The following LYPLAL1 variants were observed in gnomAD, a reference collection of about 807,000 sequenced individuals.
LYPLAL1 encodes lysophospholipase like 1.
In LYPLAL1, 23 loss-of-function variants were observed where a neutral mutation model predicts 19.7. The observed-to-expected ratio is 1.17, with a 90% CI of 0.84 to 1.65. LYPLAL1 has a LOEUF of 1.65. Ranked by LOEUF, LYPLAL1 falls within the 40% of genes most tolerant of loss-of-function variation. The pLI is 0.00. For synonymous variants in LYPLAL1, 119 were observed against 96.3 expected (o/e 1.24, Z -1.38); for missense variants, 355 against 279.4 (o/e 1.27, Z -1.93).
chr1:219,294,271 C>T, the LYPLAL1 span, among the ~76,000 whole-genome samples: 62 of 152,198 alleles, frequency 4.1e-4, no homozygotes, highest in Non-Finnish European at 8.1e-4. Flanking sequence ...TCTATCTTTC[C>T]TTGGCTTCCC....
chr1:219,310,127 A>T, the LYPLAL1 span, among the ~76,000 whole-genome samples: 15 of 152,338 alleles, frequency 9.8e-5, no homozygotes, highest in South Asian at 3.1e-3. Flanking sequence ...GAACACTCCA[A>T]GTCTGTTACC....
chr1:219,431,127 G>C, the LYPLAL1 span, among the ~76,000 whole-genome samples: 1 of 152,174 alleles, frequency 6.6e-6, no homozygotes, highest in African/African-American at 2.4e-5. Context: ...TGTGCCTAAA[G>C]GAGAAAGACT....
At chr1:219,210,838 A>G (rs1658973380) in intron 4 of LYPLAL1, among the ~76,000 whole-genome samples, 191 bp downstream of exon 4, 1 of 152,108 alleles carries the variant, frequency 6.6e-6, no homozygotes, top group Non-Finnish European at 1.5e-5. Flanking sequence ...AATGTTTTGG[A>G]AATCCCCTGT....
the LYPLAL1 span, among the ~76,000 whole-genome samples, chr1:219,364,885 C>T: frequency 6.6e-6 from 1 of 151,998 alleles, no homozygotes; most frequent in Non-Finnish European, 1.5e-5. Flanking sequence ...TTTATGAAAC[C>T]ACTATGATAC....
the LYPLAL1 span, among the ~76,000 whole-genome samples, chr1:219,276,858 G>A: frequency 6.6e-6 from 1 of 152,116 alleles, no homozygotes; most frequent in African/African-American, 2.4e-5. Flanking sequence ...ACAAGAGCTC[G>A]GGTATAGAAA....
chr1:219,379,010 T>G, the LYPLAL1 span, among the ~76,000 whole-genome samples: 4 of 152,200 alleles, frequency 2.6e-5, no homozygotes, highest in African/African-American at 9.6e-5. Flanking sequence ...AATTTTTGCT[T>G]GGAGGCCAAC....
chr1:219,349,490 C>A, the LYPLAL1 span, among the ~76,000 whole-genome samples: 7 of 152,204 alleles, frequency 4.6e-5, no homozygotes, highest in African/African-American at 7.2e-5. Context: ...TAAGCCCATC[C>A]TCTGATAGGG....
At chr1:219,419,631 C>A in the LYPLAL1 span, among the ~76,000 whole-genome samples, 2 of 141,234 alleles carry the variant, frequency 1.4e-5, no homozygotes, top group African/African-American at 2.7e-5. Flanking sequence ...GCTTTAGCTT[C>A]CACATCATTA....
At chr1:219,264,957 T>A in the LYPLAL1 span, among the ~76,000 whole-genome samples, 9 of 152,250 alleles carry the variant, frequency 5.9e-5, no homozygotes. Context: ...TAAAAATATC[T>A]AATTTATTTA....
chr1:219,202,827 C>T (rs1447620888), intron 3 of LYPLAL1, among the ~76,000 whole-genome samples: 1 of 119,670 alleles, frequency 8.4e-6, no homozygotes, highest in Non-Finnish European at 1.7e-5. Context: ...AGGCACTTGC[C>T]ACCATGCCTG....
the LYPLAL1 span, among the ~76,000 whole-genome samples, chr1:219,350,892 C>T: frequency 6.6e-6 from 1 of 152,146 alleles, no homozygotes; most frequent in Admixed American, 6.5e-5. Flanking sequence ...CATCTTCTGG[C>T]ATTTGCTGCT....
intron 3 of LYPLAL1, chr1:219,198,421 G>T (rs2125081216): frequency 6.6e-6 from 1 of 151,936 alleles, no homozygotes; most frequent in East Asian, 1.9e-4. Flanking sequence ...TTAAAGTATA[G>T]TTTAGAATTA....
the LYPLAL1 span, among the ~76,000 whole-genome samples, chr1:219,361,997 G>A: frequency 2.6e-5 from 4 of 152,098 alleles, no homozygotes; most frequent in Non-Finnish European, 5.9e-5. Flanking sequence ...TCTCAAACCA[G>A]CAACATACTG....
At chr1:219,214,042 A>G (rs987549353), downstream of LYPLAL1, among the ~76,000 whole-genome samples, 5 of 152,140 alleles carry the variant, frequency 3.3e-5, no homozygotes, top group Non-Finnish European at 7.4e-5. Context: ...CATGTCCATT[A>G]TCAAATTGAT....
the LYPLAL1 span, among the ~76,000 whole-genome samples, chr1:219,257,293 A>T: frequency 6.6e-6 from 1 of 151,030 alleles, no homozygotes; most frequent in African/African-American, 2.4e-5. Context: ...TTTTAGCATT[A>T]TGAAAAATAT....
chr1:219,248,899 T>C, the LYPLAL1 span, among the ~76,000 whole-genome samples: 2 of 152,066 alleles, frequency 1.3e-5, no homozygotes, highest in Non-Finnish European at 2.9e-5. Context: ...TGGCATACAC[T>C]GATTTCTCCT....
At chr1:219,365,795 A>G in the LYPLAL1 span, among the ~76,000 whole-genome samples, 1 of 152,040 alleles carries the variant, frequency 6.6e-6, no homozygotes, top group Non-Finnish European at 1.5e-5. Context: ...TGACATAAAA[A>G]CCTGTCCCTA....
the LYPLAL1 span, among the ~76,000 whole-genome samples, chr1:219,362,672 G>A: frequency 3.2e-4 from 48 of 152,270 alleles, no homozygotes; most frequent in African/African-American, 1.1e-3. Context: ...AAATGAAAGC[G>A]GAGTATAGGG....
the LYPLAL1 span, chr1:219,270,820 G>T: frequency 2.6e-5 from 4 of 152,164 alleles, no homozygotes; most frequent in Non-Finnish European, 5.9e-5. Flanking sequence ...GGACTCTGTT[G>T]CCTTACTATC....
Sources: allele counts gnomAD v4.1 joint callset (sites outside exome capture counted in the v4.1 genomes callset), GRCh38; gene constraint gnomAD v4.1.1; transcripts MANE v1.5; gene names NCBI Gene and HGNC (gene_info 2026-07-23, HGNC 2026-07-21).